CNKSR2: variants seen among roughly 807,000 people sequenced by gnomAD.
CNKSR2 encodes connector enhancer of kinase suppressor of Ras 2.
CNKSR2 carries 14 observed loss-of-function variants against 84.4 expected under a neutral mutation model. That is an observed-to-expected ratio of 0.17 (90% CI 0.11 to 0.26). The LOEUF is 0.26. Ranked by LOEUF, CNKSR2 falls within the 10% of genes least tolerant of loss-of-function variation. CNKSR2 has a pLI of 1.00. For missense variants in CNKSR2, 485 were observed against 771.2 expected, an observed-to-expected ratio of 0.63 and a Z score of 4.40; for synonymous variants, 275 against 277.9, an observed-to-expected ratio of 0.99 and a Z score of 0.10.
intron 4 of CNKSR2, chrX:21,441,536 A>G (rs1030279677): frequency 8.9e-6 from 1 of 112,149 alleles, no homozygotes; most frequent in Non-Finnish European, 1.9e-5. Context: ...AAAGAATGTT[A>G]AGTACATTGA....
intron 13 of CNKSR2, among the ~76,000 whole-genome samples, chrX:21,588,409 C>T (rs928793919): frequency 8.9e-6 from 1 of 112,253 alleles, no homozygotes; most frequent in South Asian, 3.7e-4. Context: ...CTTCCAAAAG[C>T]ATATAATACA....
chrX:21,455,073 C>T (rs2090980931), intron 4 of CNKSR2, among the ~76,000 whole-genome samples: 1 of 111,792 alleles, frequency 8.9e-6, no homozygotes, highest in African/African-American at 3.2e-5. Flanking sequence ...TCATGATGAT[C>T]AAAGTAAAGC....
intron 4 of CNKSR2, among the ~76,000 whole-genome samples, chrX:21,465,888 A>G (rs1365163602): frequency 1.8e-5 from 2 of 111,529 alleles, no homozygotes; most frequent in East Asian, 5.6e-4. Context: ...TGCTCAGTAT[A>G]GCAATTGCAT....
chrX:21,622,250 T>C (rs1032323249), intron 20 of CNKSR2, among the ~76,000 whole-genome samples: 2 of 111,442 alleles, frequency 1.8e-5, no homozygotes, highest in African/African-American at 6.5e-5. Flanking sequence ...TTCAGTTTTT[T>C]CATAAGCTTC....
rs2091588869 is a variant in CNKSR2, at chrX:21,504,198, G to T, written c.810+2610G>T. ...ATCTCTTATTAGATAATATACAGAG[G>T]TGGTGAAATGGAAATTCTCTTAATT... On this transcript the variant is annotated intron_variant, in intron 8 of 21. Transcript: ENST00000379510. The T allele has an allele frequency of 2.7e-5, 3 of 110,861 alleles. No homozygotes were observed. The South Asian group carries it at 1.1e-3, about 42-fold the overall frequency. 9.1% of individuals were successfully genotyped at this position (110,861 alleles called of 1,213,427 possible).
At chrX:21,546,672 C>T (rs749185415) in intron 11 of CNKSR2, among the ~76,000 whole-genome samples, 1 of 111,260 alleles carries the variant, frequency 9.0e-6, no homozygotes, top group East Asian at 2.9e-4. Flanking sequence ...TTAAGGGCAG[C>T]CAGAGAGAAA....
chrX:21,499,611 A>C (rs761583779), intron 7 of CNKSR2, among the ~76,000 whole-genome samples: 21 of 111,197 alleles, frequency 1.9e-4, no homozygotes, highest in African/African-American at 6.2e-4. Context: ...TATGAACCAT[A>C]TATTAATAGT....
intron 1 of CNKSR2, among the ~76,000 whole-genome samples, chrX:21,401,752 A>G (rs767276729): frequency 2.5e-4 from 28 of 111,809 alleles, no homozygotes; most frequent in Non-Finnish European, 5.1e-4. Context: ...GAACAAAGAA[A>G]CAGAAATAGC....
At chrX:21,622,188 T>C (rs1382909030) in intron 20 of CNKSR2, among the ~76,000 whole-genome samples, 1 of 111,439 alleles carries the variant, frequency 9.0e-6, no homozygotes, top group East Asian at 2.8e-4. Context: ...ATTATAGTTC[T>C]ACTTTTTATC....
chrX:21,475,834 C>T (rs749179998), intron 5 of CNKSR2, among the ~76,000 whole-genome samples: 4 of 111,384 alleles, frequency 3.6e-5, no homozygotes, highest in South Asian at 3.8e-4. Context: ...TCTCGGATTT[C>T]GGATTTTTTT....
At position 21,555,391 on chromosome X, in the gene CNKSR2, T is replaced by A. The variant is rs777159026; in HGVS notation, c.1304-6080T>A. On this transcript the variant is annotated intron_variant, in intron 11 of 21. Transcript: ENST00000379510. ...CTCTTTTATCCAGAAATGAAATTTT[T>A]AAAATATGCCTATAAAGATCAGATC... Among the ~76,000 whole-genome samples, 20 of 112,100 alleles carry A rather than the reference T, an allele frequency of 1.8e-4. No individual in the cohort carries two copies. The South Asian group carries it at 4.8e-3, about 27-fold the overall frequency.
intron 2 of CNKSR2, among the ~76,000 whole-genome samples, 185 bp from the exon 3 acceptor site, chrX:21,432,427 T>C (rs1003447224): frequency 9.0e-6 from 1 of 111,731 alleles, no homozygotes; most frequent in Non-Finnish European, 1.9e-5. Context: ...TATTATAATT[T>C]CTTTATATGA....
At chrX:21,449,087 C>G (rs1461809666) in intron 4 of CNKSR2, among the ~76,000 whole-genome samples, 1 of 110,933 alleles carries the variant, frequency 9.0e-6, no homozygotes, top group Non-Finnish European at 1.9e-5. Context: ...GGCAGATCAC[C>G]TGAGGTCAGG....
chrX:21,467,124 C>T (rs2091138429), intron 4 of CNKSR2, among the ~76,000 whole-genome samples: 1 of 111,525 alleles, frequency 9.0e-6, no homozygotes, highest in Admixed American at 9.5e-5. Flanking sequence ...TTATAAAAAG[C>T]AGGTTACCAG....
chrX:21,524,034 T>C (rs1200609541), intron 9 of CNKSR2, among the ~76,000 whole-genome samples: 1 of 110,994 alleles, frequency 9.0e-6, no homozygotes, highest in East Asian at 2.8e-4. Flanking sequence ...TTTCCATTGC[T>C]TAATGTCTAG....
rs751369270 is a variant in CNKSR2, at chrX:21,469,637, G to A, written c.520-1129G>A. On this transcript the variant is annotated intron_variant, in intron 4 of 21. Transcript: ENST00000379510. The stretch of plus-strand genomic sequence containing the variant: ...AAAGTTAAAATAGCAATGGCCAGGC[G>A]CAGTGGCTCACGCCTGTAATCCCAG... Among the ~76,000 whole-genome samples the A allele has an allele frequency of 2.6e-4, 29 of 110,695 alleles. No individual in the cohort carries two copies. The South Asian group carries it at 5.7e-3, about 22-fold the overall frequency.
intron 4 of CNKSR2, among the ~76,000 whole-genome samples, chrX:21,456,247 T>C (rs1053300804): frequency 2.7e-5 from 3 of 111,330 alleles, no homozygotes; most frequent in African/African-American, 6.5e-5. Flanking sequence ...TGAAATCTAC[T>C]CTCTTAGCAA....
chrX:21,512,928 A>C (rs1421211386), intron 8 of CNKSR2, among the ~76,000 whole-genome samples: 3 of 112,095 alleles, frequency 2.7e-5, no homozygotes, highest in African/African-American at 9.7e-5. Flanking sequence ...CTATTTTTGT[A>C]ATCTTGGCCG....
intron 1 of CNKSR2, among the ~76,000 whole-genome samples, chrX:21,396,643 A>G (rs1031552542): frequency 8.9e-6 from 1 of 111,962 alleles, no homozygotes; most frequent in Non-Finnish European, 1.9e-5. Flanking sequence ...AACATGCTCT[A>G]TACACTGACA....
Sources: allele counts gnomAD v4.1 joint callset (sites outside exome capture counted in the v4.1 genomes callset), GRCh38; gene constraint gnomAD v4.1.1; transcripts MANE v1.5; gene names NCBI Gene and HGNC (gene_info 2026-07-23, HGNC 2026-07-21).